Variants in RIT2 observed in about 807,000 individuals in gnomAD.
The protein encoded by RIT2 is GTP-binding protein Rit2.
RIT2 carries 24 observed loss-of-function variants against 23.7 expected under a neutral mutation model. The observed-to-expected ratio is 1.01, with a 90% confidence interval of 0.73 to 1.43. RIT2 has a LOEUF of 1.43. Among genes scored for constraint, RIT2 ranks in the 40% most tolerant of loss-of-function variants. The pLI is 0.00. For synonymous variants in RIT2, 107 were observed against 91.1 expected (o/e 1.17, Z -0.99); for missense variants, 236 against 266.9 (o/e 0.88, Z 0.81).
intron 2 of RIT2, among the ~76,000 whole-genome samples, chr18:43,002,577 G>A (rs1336080607): frequency 1.3e-5 from 2 of 151,952 alleles, no homozygotes; most frequent in African/African-American, 2.4e-5. Context: ...GATACTGGCT[G>A]CATGATGCAC....
intron 2 of RIT2, among the ~76,000 whole-genome samples, chr18:43,009,880 G>A (rs114593909): frequency 0.013 from 2,010 of 151,682 alleles, 46 homozygotes; most frequent in African/African-American, 0.046. Context: ...AATTAGTCAC[G>A]TGATTAATGA....
intron 2 of RIT2, among the ~76,000 whole-genome samples, chr18:43,013,459 T>G (rs1003055254): frequency 4.6e-5 from 7 of 151,788 alleles, no homozygotes; most frequent in African/African-American, 1.4e-4. Flanking sequence ...TGTTGAACTT[T>G]CATTATACGC....
chr18:43,092,548 A>G (rs548516369), intron 1 of RIT2, among the ~76,000 whole-genome samples: 1 of 152,150 alleles, frequency 6.6e-6, no homozygotes, highest in African/African-American at 2.4e-5. Context: ...TACAGTCTCA[A>G]GATTAACTGA....
intron 3 of RIT2, among the ~76,000 whole-genome samples, chr18:42,948,139 G>A (rs867056913): frequency 9.2e-5 from 14 of 152,216 alleles, no homozygotes; most frequent in African/African-American, 1.7e-4. Context: ...TAATTGGAAT[G>A]AATTACATTT....
intron 2 of RIT2, among the ~76,000 whole-genome samples, chr18:42,991,412 C>T (rs1910844650): frequency 6.6e-6 from 1 of 152,144 alleles, no homozygotes; most frequent in Admixed American, 6.5e-5. Flanking sequence ...AGGAAGTGTA[C>T]TCTCAAAATT....
rs140383585 is a variant in RIT2, at chr18:43,017,956, G to A, written c.160+15855C>T. ...AGGAAGAAAATTGTCTTTGCAACCT[G>A]ATACACACACGTTTACTGCAAGAGT... On this transcript the variant is annotated intron_variant, in intron 2 of 4. Transcript: ENST00000326695. 2.0e-5 allele frequency among the ~76,000 whole-genome samples: 3 copies of A among 152,114 alleles called. No individual in the cohort carries two copies. The East Asian group carries it at 5.8e-4, about 30-fold the overall frequency.
intron 3 of RIT2, among the ~76,000 whole-genome samples, chr18:42,969,677 A>C (rs1212504224): frequency 6.6e-6 from 1 of 152,110 alleles, no homozygotes; most frequent in Non-Finnish European, 1.5e-5. Context: ...ATTTCAAAAA[A>C]AAAAAAAAAT....
At chr18:42,935,575 A>G (rs955685697) in intron 3 of RIT2, among the ~76,000 whole-genome samples, 3 of 152,100 alleles carry the variant, frequency 2.0e-5, no homozygotes. Context: ...AGAGCCCGGA[A>G]CTTGTCTAGT....
chr18:43,042,779 G>T (rs1188370841), intron 1 of RIT2, among the ~76,000 whole-genome samples: 1 of 152,146 alleles, frequency 6.6e-6, no homozygotes, highest in Non-Finnish European at 1.5e-5. Context: ...GAGGAGGACA[G>T]CCAGTGAAAT....
intron 4 of RIT2, among the ~76,000 whole-genome samples, chr18:42,859,446 G>A (rs889351727): frequency 5.3e-5 from 8 of 152,214 alleles, no homozygotes; most frequent in African/African-American, 1.9e-4. Context: ...GTGTAGCCTG[G>A]ATAAAAGTCT....
At chr18:43,022,942 C>T (rs959731715) in intron 2 of RIT2, among the ~76,000 whole-genome samples, 13 of 151,708 alleles carry the variant, frequency 8.6e-5, no homozygotes, top group African/African-American at 2.9e-4. Flanking sequence ...AGTGTTTTTT[C>T]GATTTTTCTG....
chr18:43,041,083 T>C (rs1598758204), intron 1 of RIT2, among the ~76,000 whole-genome samples: 2 of 152,136 alleles, frequency 1.3e-5, no homozygotes, highest in Non-Finnish European at 1.5e-5. Flanking sequence ...TGAAATAATA[T>C]GTGAAGCGTT....
At position 42,893,495 on chromosome 18, in the gene RIT2, C is replaced by T. The variant is rs925569130; in HGVS notation, c.426+30077G>A. On this transcript the variant is annotated intron_variant, in intron 4 of 4. Coordinates refer to ENST00000326695, the MANE Select transcript of RIT2 (RefSeq NM_002930.4). Reference sequence around the variant, plus strand: ...TATAAGGGCACTCATCTCATTATAACAGCAGAGAGCCTTGATGACTTACTC... The same window carrying T: ...TATAAGGGCACTCATCTCATTATAATAGCAGAGAGCCTTGATGACTTACTC... Among the ~76,000 whole-genome samples, 5 of 152,206 alleles carry T rather than the reference C, an allele frequency of 3.3e-5. No homozygotes were observed. In the South Asian group the frequency reaches 8.3e-4, roughly 25 times the overall value.
chr18:42,978,887 C>A (rs940037315), intron 2 of RIT2, among the ~76,000 whole-genome samples: 8 of 152,040 alleles, frequency 5.3e-5, no homozygotes, highest in African/African-American at 1.9e-4. Flanking sequence ...ATAATAGTAA[C>A]ACTAGTCAAC....
chr18:43,095,836 A>G (rs1031319149), intron 1 of RIT2, among the ~76,000 whole-genome samples: 1 of 151,950 alleles, frequency 6.6e-6, no homozygotes, highest in African/African-American at 2.4e-5. Flanking sequence ...TGTACAGAAT[A>G]TGGATGTTAA....
chr18:43,000,455 C>A (rs762315109), intron 2 of RIT2, among the ~76,000 whole-genome samples: 1 of 151,908 alleles, frequency 6.6e-6, no homozygotes, highest in Non-Finnish European at 1.5e-5. Flanking sequence ...TTTTGTTTTT[C>A]CTTCTTAATA....
At chr18:43,059,786 T>A (rs957684079) in intron 1 of RIT2, among the ~76,000 whole-genome samples, 7 of 151,952 alleles carry the variant, frequency 4.6e-5, no homozygotes, top group African/African-American at 1.4e-4. Flanking sequence ...ACTTTTTTTT[T>A]ATTTTATTTT....
At chr18:43,099,999 A>G (rs1342161019) in intron 1 of RIT2, among the ~76,000 whole-genome samples, 2 of 152,126 alleles carry the variant, frequency 1.3e-5, no homozygotes, top group African/African-American at 4.8e-5. Flanking sequence ...ACTTTATTTC[A>G]TTTATTCACT....
intron 2 of RIT2, among the ~76,000 whole-genome samples, chr18:43,007,257 T>A (rs1911249274): frequency 1.3e-5 from 2 of 151,690 alleles, no homozygotes; most frequent in African/African-American, 2.4e-5. Context: ...TAAGACTATA[T>A]GAGGGAGAGG....
Sources: allele counts gnomAD v4.1 joint callset (sites outside exome capture counted in the v4.1 genomes callset), GRCh38; gene constraint gnomAD v4.1.1; transcripts MANE v1.5; gene names NCBI Gene and HGNC (gene_info 2026-07-23, HGNC 2026-07-21).